BIK: variants seen among roughly 807,000 people sequenced by gnomAD.
BIK encodes BCL2 interacting killer, also known as bcl-2-interacting killer.
A neutral mutation model predicts 12.1 loss-of-function variants in BIK; 14 were observed. That is an observed-to-expected ratio of 1.16 (90% CI 0.77 to 1.81). The LOEUF (loss-of-function observed/expected upper bound fraction) is 1.81. BIK is among the 40% of genes most tolerant of loss of function. The pLI is 0.00. For synonymous variants in BIK, 86 were observed against 92.3 expected (o/e 0.93, Z 0.39); for missense variants, 215 against 207.9 (o/e 1.03, Z -0.21).
At chr22:43,111,550 C>A (rs1327678443) in intron 1 of BIK, among the ~76,000 whole-genome samples, 3 of 152,130 alleles carry the variant, frequency 2.0e-5, no homozygotes, top group Non-Finnish European at 4.4e-5. Context: ...CACGACAAGG[C>A]TTGTGGGGTT....
At chr22:43,114,817 G>GTGGGT in intron 1 of BIK, among the ~76,000 whole-genome samples, 3 of 152,348 alleles carry the variant, frequency 2.0e-5, no homozygotes, top group East Asian at 3.9e-4. Context: ...CTGCCTCTTA[G>GTGGGT]TGGGCACTTA....
chr22:43,113,711 G>C (rs1435403254), intron 1 of BIK, among the ~76,000 whole-genome samples: 1 of 152,194 alleles, frequency 6.6e-6, no homozygotes, highest in Non-Finnish European at 1.5e-5. Context: ...TGACACCACT[G>C]CTGGTGGTAT....
At chr22:43,116,587 T>C (rs1019259436) in intron 1 of BIK, among the ~76,000 whole-genome samples, 1 of 151,762 alleles carries the variant, frequency 6.6e-6, no homozygotes, top group Non-Finnish European at 1.5e-5. Flanking sequence ...GCCTCCCGAG[T>C]AGCTGGGATT....
In BIK at chr22:43,124,001, G is replaced by C. The variant is rs376345662; in HGVS notation, c.-7-15G>C. 6.8e-6 allele frequency: 11 copies of C among 1,613,608 alleles called. No homozygotes were observed. The highest frequency in any genetic ancestry group is 9.3e-6 in the Non-Finnish European group (11 of 1,179,776). ...GTTCTTAGGGGTCCAGTCATATGCT[G>C]TCTTTTTGCCCCAGAGGAGAAATGT... On this transcript the variant is annotated splice_polypyrimidine_tract_variant and intron_variant, in intron 1 of 4. Coordinates refer to ENST00000216115, the MANE Select transcript of BIK (RefSeq NM_001197.5).
Position 43,128,740 on chromosome 22 carries a change from G to A in BIK, c.390+115G>A, listed in dbSNP as rs769300084. On this transcript the variant is annotated intron_variant, in intron 4 of 4. Coordinates refer to ENST00000216115, the MANE Select transcript of BIK (RefSeq NM_001197.5). ...CTCCGTATCATCATCTGTGTCACCTGTGTCCACATCTGCCTGATCCCATGG... is the reference window on the plus strand; with the variant it reads ...CTCCGTATCATCATCTGTGTCACCTATGTCCACATCTGCCTGATCCCATGG... The A allele has an allele frequency of 2.8e-6, 4 of 1,416,332 alleles. No individual in the cohort carries two copies. The African/African-American group carries it at 5.8e-5, about 20-fold the overall frequency. 87.7% of individuals were successfully genotyped at this position (1,416,332 alleles called of 1,614,324 possible). A position where few individuals can be genotyped will look rare whatever the true frequency, so the allele number is the denominator to read the frequency against.
In BIK at chr22:43,127,760, G is replaced by A. The variant is rs4988433; in HGVS notation, c.225G>A (p.Pro75=). 2,325 of 1,553,430 alleles carry A rather than the reference G, an allele frequency of 1.5e-3. 23 individuals carry two copies. In the African/African-American group the frequency reaches 0.025, roughly 16 times the overall value. Residue 75 remains proline, a synonymous_variant, in exon 3 of 5, where the codon CCG becomes CCA. Transcript: ENST00000216115. The part of the protein sequence containing the change: ...GDEMDVSLRA[P]RLAQLSEVAM... ...AGATGGACGTGAGCCTCAGGGCCCC[G>A]CGCCTGGCCCAGCTCTCCGAGGTGG...
chr22:43,119,925 G>A (rs1412975246), intron 1 of BIK, among the ~76,000 whole-genome samples: 1 of 152,122 alleles, frequency 6.6e-6, no homozygotes, highest in African/African-American at 2.4e-5. Flanking sequence ...AGCATGATCA[G>A]GCCACTGCAC....
At chr22:43,126,791 C>G (rs1274205160) in intron 2 of BIK, among the ~76,000 whole-genome samples, 1 of 152,212 alleles carries the variant, frequency 6.6e-6, no homozygotes, top group East Asian at 1.9e-4. Context: ...GGACATGAAG[C>G]CTGGGGCAGT....
chr22:43,115,865 T>G (rs1361769451), intron 1 of BIK, among the ~76,000 whole-genome samples: 2 of 152,082 alleles, frequency 1.3e-5, no homozygotes, highest in African/African-American at 4.8e-5. Context: ...TAAGTGATTC[T>G]CCTGCCTTAG....
intron 1 of BIK, among the ~76,000 whole-genome samples, chr22:43,119,365 C>G (rs887536842): frequency 2.6e-5 from 4 of 152,060 alleles, no homozygotes; most frequent in South Asian, 4.1e-4. Context: ...ACAGTGGGTC[C>G]TCTGGGAATA....
chr22:43,121,287 A>C (rs1164531573), intron 1 of BIK, among the ~76,000 whole-genome samples: 1 of 152,166 alleles, frequency 6.6e-6, no homozygotes, highest in East Asian at 1.9e-4. Flanking sequence ...CTAAGGTGAG[A>C]TGTGGTCCTG....
At chr22:43,123,885 G>C in intron 1 of BIK, 131 bp from the exon 2 acceptor site, 1 of 930,136 alleles carries the variant, frequency 1.1e-6, no homozygotes, top group Admixed American at 2.8e-5. Flanking sequence ...TGGGGTTGGG[G>C]GATATTGACG....
intron 4 of BIK, among the ~76,000 whole-genome samples, 199 bp downstream of exon 4, chr22:43,128,824 T>C (rs1930376543): frequency 6.6e-6 from 1 of 152,174 alleles, no homozygotes. Context: ...GTCCTGGGTC[T>C]CCCTCTGGTC....
At chr22:43,124,733 A>G (rs1930282178) in intron 2 of BIK, among the ~76,000 whole-genome samples, 1 of 152,136 alleles carries the variant, frequency 6.6e-6, no homozygotes, top group African/African-American at 2.4e-5. Context: ...CTCTACTAAA[A>G]ATACAAAAAG....
intron 1 of BIK, among the ~76,000 whole-genome samples, chr22:43,122,062 C>G (rs371567230): frequency 6.6e-6 from 1 of 152,216 alleles, no homozygotes; most frequent in Admixed American, 6.5e-5. Context: ...GAAAGCAAGT[C>G]GTGAGCACAC....
chr22:43,113,376 A>G (rs970146758), intron 1 of BIK, among the ~76,000 whole-genome samples: 5 of 152,028 alleles, frequency 3.3e-5, no homozygotes, highest in Non-Finnish European at 7.4e-5. Flanking sequence ...GGCTGGGAAT[A>G]CAGGCGTGAG....
At chr22:43,112,381 T>TA (rs1188179415) in intron 1 of BIK, among the ~76,000 whole-genome samples, 1 of 151,866 alleles carries the variant, frequency 6.6e-6, no homozygotes, top group Admixed American at 6.6e-5. Context: ...GTATTTTTAG[T>TA]AGAGATGGGG....
chr22:43,125,592 C>T (rs1444931245), intron 2 of BIK, among the ~76,000 whole-genome samples: 16 of 140,602 alleles, frequency 1.1e-4, no homozygotes, highest in Non-Finnish European at 1.1e-4. Context: ...GGGGGATGGG[C>T]GCTGGTAGTC....
intron 1 of BIK, among the ~76,000 whole-genome samples, chr22:43,123,359 A>G (rs1413645438): frequency 6.6e-6 from 1 of 152,112 alleles, no homozygotes; most frequent in African/African-American, 2.4e-5. Flanking sequence ...CCCTGTGCTG[A>G]CAGCAGGTGC....
Sources: allele counts gnomAD v4.1 joint callset (sites outside exome capture counted in the v4.1 genomes callset), GRCh38; gene constraint gnomAD v4.1.1; transcripts MANE v1.5; gene names NCBI Gene and HGNC (gene_info 2026-07-23, HGNC 2026-07-21).